BDH1: variants seen among roughly 807,000 people sequenced by gnomAD.
BDH1 encodes the protein D-beta-hydroxybutyrate dehydrogenase, mitochondrial.
A neutral mutation model predicts 33.1 loss-of-function variants in BDH1; 30 were observed. The observed-to-expected ratio is 0.91, with a 90% CI of 0.68 to 1.23. The LOEUF (loss-of-function observed/expected upper bound fraction) is 1.23. Ranked by LOEUF, BDH1 falls within the 50% of genes most tolerant of loss-of-function variation. BDH1 has a pLI of 0.00. For synonymous variants in BDH1, 190 were observed against 183.6 expected (o/e 1.03, Z -0.28); for missense variants, 443 against 464.4 (o/e 0.95, Z 0.42).
chr3:197,565,488 G>C (rs191236670), intron 1 of BDH1, among the ~76,000 whole-genome samples: 1 of 151,998 alleles, frequency 6.6e-6, no homozygotes, highest in African/African-American at 2.4e-5. Flanking sequence ...ACATAATTTG[G>C]CTTATTTGGT....
intron 1 of BDH1, among the ~76,000 whole-genome samples, chr3:197,563,295 G>T (rs1444140018): frequency 6.6e-6 from 1 of 152,306 alleles, no homozygotes. Flanking sequence ...TATGTGAGTT[G>T]TTTCCTTTAA....
intron 5 of BDH1, among the ~76,000 whole-genome samples, chr3:197,527,648 T>G (rs111528294): frequency 3.7e-3 from 566 of 152,268 alleles, no homozygotes; most frequent in African/African-American, 0.012. Context: ...TCATTCTGCT[T>G]CAGCCACAGA....
rs1212353627 is a variant in BDH1, at chr3:197,516,584, C to T, written c.410-2168G>A. On this transcript the variant is annotated intron_variant, in intron 6 of 7. Transcript: ENST00000392379. This position sits in a 1 kb window ranked among gnomAD's most constrained non-coding sequence, Gnocchi z 4.2. ...CCGCACCAGTGGCCCCTCAGTTCTCCTTGGGAGTCACGGCTCTCTCTCCTC... is the reference window on the plus strand; with the variant it reads ...CCGCACCAGTGGCCCCTCAGTTCTCTTTGGGAGTCACGGCTCTCTCTCCTC... Among the ~76,000 whole-genome samples, 1 of 152,054 alleles carries T rather than the reference C, an allele frequency of 6.6e-6. No individual in the cohort carries two copies. The highest frequency in any genetic ancestry group is 1.5e-5 in the Non-Finnish European group (1 of 68,000).
upstream of BDH1, among the ~76,000 whole-genome samples, chr3:197,560,807 C>T (rs1239468644): frequency 6.6e-6 from 1 of 152,192 alleles, no homozygotes; most frequent in Non-Finnish European, 1.5e-5. Flanking sequence ...CAGTCATCCC[C>T]CTGCTCACTG....
At chr3:197,538,922 AG>A (rs1715370866) in intron 3 of BDH1, 1 of 153,000 alleles carries the variant, frequency 6.5e-6, no homozygotes, top group African/African-American at 2.4e-5. Flanking sequence ...AAAGAGCATC[AG>A]TCTGTATTCC....
chr3:197,514,564 T>C lies in BDH1; in HGVS notation c.410-148A>G. ...CTCTCAAGAAACTTTCTAGAGTCAC[T>C]CAGGAACGACAGGAGGTAAAGAGGC... On this transcript the variant is annotated intron_variant, in intron 6 of 7. Transcript: ENST00000392379. The surrounding 1 kb of genome is among the most constrained non-coding windows in gnomAD (Gnocchi z 4.2). 2 of 947,870 alleles carry C rather than the reference T, an allele frequency of 2.1e-6. No homozygotes were observed. Among genetic ancestry groups the C allele is most frequent in the Non-Finnish European group, 1.5e-6 (1 of 652,196 alleles). 58.7% of individuals were successfully genotyped at this position (947,870 alleles called of 1,614,324 possible). A position where few individuals can be genotyped will look rare whatever the true frequency, so the allele number is the denominator to read the frequency against.
At chr3:197,541,796 T>C (rs958324522) in intron 3 of BDH1, among the ~76,000 whole-genome samples, 4 of 152,122 alleles carry the variant, frequency 2.6e-5, no homozygotes, top group Non-Finnish European at 4.4e-5. Flanking sequence ...ACCACTGCCC[T>C]ACAGGAAAAG....
chr3:197,561,347 CT>C (rs961979180), intron 1 of BDH1, among the ~76,000 whole-genome samples: 3 of 151,984 alleles, frequency 2.0e-5, no homozygotes, highest in South Asian at 2.1e-4. Flanking sequence ...TCCCCCCCAC[CT>C]TTTTTTTGGA....
intron 5 of BDH1, chr3:197,530,086 G>T (rs988892747): frequency 2.6e-5 from 4 of 152,186 alleles, no homozygotes; most frequent in Non-Finnish European, 5.9e-5. Flanking sequence ...TGCAGAGGAA[G>T]CTTCTGGGTC....
At chr3:197,515,507 T>G (rs1172303870) in intron 6 of BDH1, 49 of 985,582 alleles carry the variant, frequency 5.0e-5, no homozygotes, top group Non-Finnish European at 5.8e-5. Context: ...TGGCTGACAC[T>G]TCCACGTCAT....
In BDH1 at chr3:197,512,038, G is replaced by A; in HGVS notation, c.889C>T (p.Pro297Ser). ...YCSSGSTDTSPVIDAVTHALT... is the reference protein window; with the variant it reads ...YCSSGSTDTSSVIDAVTHALT... ...GCGTGTGTGACAGCATCGATGACAG[G>A]GGACGTGTCTGTGGAGCCACTGCTG... Residue 297 changes from proline to serine, a missense_variant, in exon 8 of 8, where the codon CCT (proline) becomes TCT (serine). Transcript: ENST00000392379. 1 of 1,614,182 alleles carries A rather than the reference G, an allele frequency of 6.2e-7. No homozygotes were observed. The highest frequency in any genetic ancestry group is 1.1e-5 in the South Asian group (1 of 91,084).
At chr3:197,539,418 G>A (rs573917871) in intron 3 of BDH1, among the ~76,000 whole-genome samples, 1 of 152,324 alleles carries the variant, frequency 6.6e-6, no homozygotes, top group South Asian at 2.1e-4. Flanking sequence ...GGGATTACAG[G>A]TGTGAGCCAC....
intron 5 of BDH1, among the ~76,000 whole-genome samples, chr3:197,524,690 G>T (rs746497368): frequency 2.1e-4 from 32 of 151,060 alleles, no homozygotes; most frequent in Non-Finnish European, 4.4e-4. Flanking sequence ...GCCTGGAGGT[G>T]TTGAGGCAAT....
intron 1 of BDH1, among the ~76,000 whole-genome samples, chr3:197,572,528 G>T (rs1004717645): frequency 6.6e-6 from 1 of 152,104 alleles, no homozygotes; most frequent in African/African-American, 2.4e-5. Flanking sequence ...TTCTTTCCCA[G>T]TTCATCTGCA....
intron 3 of BDH1, among the ~76,000 whole-genome samples, chr3:197,540,648 G>A (rs1278002520): frequency 6.6e-6 from 1 of 152,134 alleles, no homozygotes; most frequent in Non-Finnish European, 1.5e-5. Context: ...CAGCCTGGGC[G>A]AGAGTGAGAC....
At chr3:197,518,995 C>T (rs527962601) in intron 6 of BDH1, among the ~76,000 whole-genome samples, 4 of 46,344 alleles carry the variant, frequency 8.6e-5, no homozygotes, top group Non-Finnish European at 1.6e-4. Flanking sequence ...CCCCTCAGGC[C>T]GACCCCCCAA....
Position 197,523,518 on chromosome 3 carries a change from G to C in BDH1, c.268-737C>G, listed in dbSNP as rs756625293. Reference sequence around the variant, plus strand: ...ATGGATTTGTAAGAAGCCTGTTAAAGAGTCTAAAGCACCACACAAATTCAG... The same window carrying C: ...ATGGATTTGTAAGAAGCCTGTTAAACAGTCTAAAGCACCACACAAATTCAG... On this transcript the variant is annotated intron_variant, in intron 5 of 7. Transcript: ENST00000392379. This position sits in a 1 kb window ranked among gnomAD's most constrained non-coding sequence, Gnocchi z 4.5. 6.6e-6 allele frequency among the ~76,000 whole-genome samples: 1 copy of C among 152,212 alleles called. No homozygotes were observed. Among genetic ancestry groups the C allele is most frequent in the Non-Finnish European group, 1.5e-5 (1 of 68,040 alleles).
At position 197,533,555 on chromosome 3, in the gene BDH1, T is replaced by C. The variant is rs753511688; in HGVS notation, c.90A>G (p.Pro30=). The change falls in exon 4 of 8, where the codon CCA becomes CCG. Residue 30 remains proline (P), a synonymous_variant. Transcript: ENST00000392379. ...ACDRENGARR[P]LLLGSTSFIP... ...TAAAGGAAGTAGAACCAAGCAATAG[T>C]GGGCGTCTGCAAGAGAAAAGGAAGC... 38 of 1,614,052 alleles carry C rather than the reference T, an allele frequency of 2.4e-5. No homozygotes were observed. The highest frequency in any genetic ancestry group is 3.1e-5 in the Non-Finnish European group (36 of 1,180,028).
intron 1 of BDH1, among the ~76,000 whole-genome samples, chr3:197,573,005 A>T (rs988635332): frequency 6.6e-6 from 1 of 152,160 alleles, no homozygotes; most frequent in African/African-American, 2.4e-5. Flanking sequence ...TCAAAAAGAA[A>T]ATCTAATTGC....
Sources: allele counts gnomAD v4.1 joint callset (sites outside exome capture counted in the v4.1 genomes callset), GRCh38; gene constraint gnomAD v4.1.1; non-coding constraint Gnocchi (gnomAD v3.1); transcripts MANE v1.5; gene names NCBI Gene and HGNC (gene_info 2026-07-23, HGNC 2026-07-21).